A2M: variants seen among roughly 807,000 people sequenced by gnomAD.
A2M encodes the protein alpha-2-macroglobulin.
In A2M, 128 loss-of-function variants were observed where a neutral mutation model predicts 183.9. That is an observed-to-expected ratio of 0.70 (90% confidence interval 0.60 to 0.81). The LOEUF is 0.81. Ranked by LOEUF, A2M falls within the 30% of genes least tolerant of loss-of-function variation. The pLI, the probability that A2M is intolerant of heterozygous loss-of-function variation, is 0.00. For missense variants in A2M, 1,495 were observed against 1,787.6 expected (o/e 0.84, Z 2.95); for synonymous variants, 592 against 670.8 (o/e 0.88, Z 1.81).
At chr12:9,104,484 C>T (rs972503651) in intron 10 of A2M, 84 bp from the exon 11 acceptor site, 2 of 1,411,950 alleles carry the variant, frequency 1.4e-6, no homozygotes, top group Non-Finnish European at 1.9e-6. Flanking sequence ...TTTTTAGTGC[C>T]TCCTCTATGT....
In A2M at chr12:9,110,152, G is replaced by C. The variant is rs1678389376; in HGVS notation, c.505-117C>G. On this transcript the variant is annotated intron_variant, in intron 5 of 35. Coordinates refer to ENST00000318602, the MANE Select transcript of A2M (RefSeq NM_000014.6). ...AAGGTCAAATGGGGTAGTAGTAAAG[G>C]GTGAGTAGAGGAGATGAGTTATAGC... 6.7e-6 allele frequency: 8 copies of C among 1,198,378 alleles called. No individual in the cohort carries two copies. In the South Asian group the frequency reaches 1.1e-4, roughly 16 times the overall value. The allele number at this position is 1,198,378 out of a possible 1,614,324, so 74.2% of individuals were successfully genotyped here.
Position 9,099,441 on chromosome 12 carries a change from A to C in A2M, c.1641T>G (p.Pro547=). Residue 547 remains proline (P), a synonymous_variant, in exon 14 of 36, where the codon CCT becomes CCG. Coordinates refer to ENST00000318602, the MANE Select transcript of A2M (RefSeq NM_000014.6). ...VARLLIYAVL[P]TGDVIGDSAK... ...CAGAATCCCCAATCACGTCCCCGGTAGGTAAAACAGCATAGATGAGCAACC... is the reference window on the plus strand; with the variant it reads ...CAGAATCCCCAATCACGTCCCCGGTCGGTAAAACAGCATAGATGAGCAACC... The C allele has an allele frequency of 3.1e-6, 5 of 1,601,246 alleles. No individual in the cohort carries two copies. In the Admixed American group the frequency reaches 6.9e-5, roughly 22 times the overall value.
chr12:9,081,932 C>T (rs1381838841), intron 22 of A2M, among the ~76,000 whole-genome samples: 1 of 152,210 alleles, frequency 6.6e-6, no homozygotes. Context: ...AACTGCATAG[C>T]CCATCTGCAA....
chr12:9,106,957 C>T (rs12426061), intron 8 of A2M, among the ~76,000 whole-genome samples: 47,109 of 152,018 alleles, frequency 0.31, 8,017 homozygotes, highest in South Asian at 0.37. Context: ...ATGATCACAT[C>T]GCGGGATTTA....
intron 4 of A2M, chr12:9,111,575 G>T: frequency 2.2e-6 from 1 of 456,122 alleles, no homozygotes. Flanking sequence ...ATGAGAGAAA[G>T]AGAAACAAGA....
intron 22 of A2M, among the ~76,000 whole-genome samples, chr12:9,081,230 T>G (rs1948898344): frequency 6.6e-6 from 1 of 151,930 alleles, no homozygotes; most frequent in Non-Finnish European, 1.5e-5. Context: ...CATGCAAAAA[T>G]AAGGTCATCC....
intron 18 of A2M, among the ~76,000 whole-genome samples, chr12:9,092,034 T>C (rs188842631): frequency 1.5e-3 from 221 of 152,302 alleles, no homozygotes; most frequent in Non-Finnish European, 2.7e-3. Flanking sequence ...CAGCTCCCAG[T>C]TTCTCCCTGG....
rs1267738452 is a variant in A2M, at chr12:9,101,603, G to T, written c.1338C>A (p.His446Gln). 6.2e-7 allele frequency: 1 copy of T among 1,614,026 alleles called. No homozygotes were observed. Among genetic ancestry groups the T allele is most frequent in the Non-Finnish European group, 8.5e-7 (1 of 1,179,898 alleles). The change falls in exon 12 of 36, where the codon CAC becomes CAA. Residue 446 changes from histidine to glutamine, a missense_variant. His to Gln is a conservative substitution (Grantham distance 24). Coordinates refer to ENST00000318602, the MANE Select transcript of A2M (RefSeq NM_000014.6). ...TTGGGGAGAACACAAGATAAGCAGT[G>T]TGATGTGCCTCTTCGTGTTCTTCTG... ...WVSEEHEEAHHTAYLVFSPSK... is the reference protein window; with the variant it reads ...WVSEEHEEAHQTAYLVFSPSK...
Position 9,102,127 on chromosome 12 carries a change from A to C in A2M, c.1267-453T>G, listed in dbSNP as rs773908969. Among the ~76,000 whole-genome samples, 20 of 152,328 alleles carry C rather than the reference A, an allele frequency of 1.3e-4. No individual in the cohort carries two copies. In the South Asian group the frequency reaches 3.9e-3, roughly 30 times the overall value. On this transcript the variant is annotated intron_variant, in intron 11 of 35. Transcript: ENST00000318602. Reference sequence around the variant, plus strand: ...AAAATATTGTAACCTTAGGGGTCTGAGAAGACATTGGTAGAAAGCATTGGT... The same window carrying C: ...AAAATATTGTAACCTTAGGGGTCTGCGAAGACATTGGTAGAAAGCATTGGT...
At position 9,091,196 on chromosome 12, in the gene A2M, C is replaced by T. The variant is rs770373726; in HGVS notation, c.2469+5G>A. 8 of 1,612,674 alleles carry T rather than the reference C, an allele frequency of 5.0e-6. No homozygotes were observed. The Admixed American group carries it at 1.2e-4, about 24-fold the overall frequency. On this transcript the variant is annotated splice_donor_5th_base_variant and intron_variant, in intron 19 of 35. Transcript: ENST00000318602. The stretch of plus-strand genomic sequence containing the variant: ...TTGTATTTAATTTAGGAAAGAGATC[C>T]TTACCCGGATGCATTTGGGAAGGTA...
Position 9,076,805 on chromosome 12 carries a change from G to C in A2M, c.3483C>G (p.Asp1161Glu). Residue 1161 changes from aspartate to glutamate, a missense_variant, in exon 28 of 36, where the codon GAC (aspartate) becomes GAG (glutamate). Asp to Glu is a conservative substitution (Grantham distance 45). Coordinates refer to ENST00000318602, the MANE Select transcript of A2M (RefSeq NM_000014.6). ...GTGACTTGAGTACTTCCTTCCTCTT[G>C]TCCTGGTTACCTGCCAGGGCAAAAG... Reference protein sequence around the residue: ...AYAFALAGNQDKRKEVLKSLN... With the variant: ...AYAFALAGNQEKRKEVLKSLN... 1.9e-6 allele frequency: 3 copies of C among 1,613,894 alleles called. No individual in the cohort carries two copies. The highest frequency in any genetic ancestry group is 2.5e-6 in the Non-Finnish European group (3 of 1,179,916).
At chr12:9,098,128 C>T (rs1381567667) in intron 15 of A2M, among the ~76,000 whole-genome samples, 2 of 152,080 alleles carry the variant, frequency 1.3e-5, no homozygotes, top group Non-Finnish European at 2.9e-5. Context: ...ATATAATTTT[C>T]GAACGGCTTC....
chr12:9,115,944 T>C (rs1212823964), upstream of A2M: 3 of 979,402 alleles, frequency 3.1e-6, no homozygotes, highest in Non-Finnish European at 4.9e-6. Flanking sequence ...GCAACTGGGC[T>C]TTATGCTGCT....
intron 34 of A2M, 22 bp from the exon 35 acceptor site, chr12:9,068,246 A>G: frequency 1.2e-6 from 2 of 1,601,750 alleles, no homozygotes; most frequent in Non-Finnish European, 8.5e-7. Flanking sequence ...AAAACCAACA[A>G]AAAACCAGAA....
chr12:9,088,690 C>G (rs1946110100), intron 22 of A2M, among the ~76,000 whole-genome samples: 1 of 152,022 alleles, frequency 6.6e-6, no homozygotes, highest in Non-Finnish European at 1.5e-5. Flanking sequence ...TTCTTCAGTT[C>G]CTTCTCAAAT....
intron 15 of A2M, among the ~76,000 whole-genome samples, chr12:9,096,557 A>G (rs942921657): frequency 3.9e-5 from 6 of 152,242 alleles, no homozygotes; most frequent in Non-Finnish European, 7.3e-5. Flanking sequence ...TTCATATAAT[A>G]CATACAACTT....
chr12:9,090,328 G>C (rs2193005), intron 20 of A2M, 28 bp downstream of exon 20: 530,048 of 1,613,016 alleles, frequency 0.33, 90,957 homozygotes, highest in Admixed American at 0.38. Flanking sequence ...TTTGAGTAGA[G>C]AATTATCTCT....
chr12:9,076,919 A>T lies in A2M; in HGVS notation c.3369T>A (p.Asn1123Lys). The T allele has an allele frequency of 1.9e-6, 3 of 1,601,392 alleles. No individual in the cohort carries two copies. The highest frequency in any genetic ancestry group is 1.1e-5 in the South Asian group (1 of 88,996). ...AGGCTGACTCCAGGCAAAACAGGGC[A>T]TTGCGGACAACAGGGTGCTGTGAAG... ...PLTVTHPVVR[N>K]ALFCLESAWK... The change falls in exon 28 of 36, where the codon AAT (asparagine) becomes AAA (lysine). Residue 1123 changes from asparagine to lysine, a missense_variant. By Grantham distance (94) the Asn-to-Lys change is moderately conservative. Coordinates refer to ENST00000318602, the MANE Select transcript of A2M (RefSeq NM_000014.6).
Position 9,093,505 on chromosome 12 carries a change from A to G in A2M, c.2200T>C (p.Tyr734His). ...TCCCAGATCCATGTCTCAGGGAAGT[A>G]CTTTCGTACGGTCTCCGTGTGAGGC... is the stretch of plus-strand genomic sequence containing the variant. ...EEPHTETVRK[Y>H]FPETWIWDLV... The change falls in exon 18 of 36, where the codon TAC becomes CAC. Residue 734 changes from tyrosine to histidine, a missense_variant. Coordinates refer to ENST00000318602, the MANE Select transcript of A2M (RefSeq NM_000014.6). 7 of 1,613,988 alleles carry G rather than the reference A, an allele frequency of 4.3e-6. No homozygotes were observed. In the South Asian group the frequency reaches 6.6e-5, roughly 15 times the overall value.
Sources: gnomAD v4.1 joint callset for allele counts (sites outside exome capture counted in the v4.1 genomes callset) on GRCh38, gnomAD v4.1.1 for gene constraint, MANE v1.5 for transcripts, NCBI Gene and HGNC (gene_info 2026-07-23, HGNC 2026-07-21) for gene names.